Variants in MCTP1 observed in about 807,000 individuals in gnomAD.
The protein encoded by MCTP1 is multiple C2 and transmembrane domain-containing protein 1.
Under a neutral mutation model 120.6 loss-of-function variants are expected in MCTP1, and 69 were observed. That is an observed-to-expected ratio of 0.57 (90% CI 0.47 to 0.70). The LOEUF (loss-of-function observed/expected upper bound fraction) is 0.70. Ranked by LOEUF, MCTP1 falls within the 30% of genes least tolerant of loss-of-function variation. MCTP1 has a pLI of 0.00. For synonymous variants in MCTP1, 529 were observed against 493.1 expected (o/e 1.07, Z -0.96); for missense variants, 1,203 against 1,248.8 (o/e 0.96, Z 0.55).
intron 1 of MCTP1, among the ~76,000 whole-genome samples, chr5:95,172,605 C>A (rs1747465593): frequency 1.3e-5 from 2 of 148,894 alleles, no homozygotes; most frequent in African/African-American, 5.0e-5. Context: ...TTTTTTGGTG[C>A]CTGTATGATG....
chr5:94,985,006 C>CA (rs1554166748), intron 2 of MCTP1, among the ~76,000 whole-genome samples: 3 of 151,940 alleles, frequency 2.0e-5, no homozygotes, highest in Non-Finnish European at 4.4e-5. Context: ...AAGTACTATA[C>CA]AAAAATGTAT....
intron 1 of MCTP1, among the ~76,000 whole-genome samples, chr5:95,108,697 C>T (rs1417685882): frequency 6.6e-6 from 1 of 152,290 alleles, no homozygotes; most frequent in East Asian, 1.9e-4. Flanking sequence ...TTTGCAACAT[C>T]GATACTGTCA....
At chr5:94,858,723 T>G (rs1161827915) in intron 17 of MCTP1, among the ~76,000 whole-genome samples, 1 of 151,744 alleles carries the variant, frequency 6.6e-6, no homozygotes, top group African/African-American at 2.4e-5. Context: ...TCCTGTAAAA[T>G]AATCTCTAAC....
chr5:94,922,997 C>CAAAAAAAAAAAA lies in MCTP1; in HGVS notation c.1272+953_1272+964dup, dbSNP rs202245253. Among the ~76,000 whole-genome samples the CAAAAAAAAAAAA allele has an allele frequency of 2.0e-5, 2 of 99,548 alleles. 1 individual carries two copies. The allele number at this position is 99,548 out of a possible 152,430, so 65.3% of individuals were successfully genotyped here. On this transcript the variant is annotated intron_variant, in intron 7 of 22. Coordinates refer to ENST00000515393, the MANE Select transcript of MCTP1 (RefSeq NM_024717.7). ...ATAAGCTCACAACAATAAAAAGCTG[C>CAAAAAAAAAAAA]AAAAAAAAAAAAAAAAAAAAAAAAG...
At chr5:94,711,829 A>G (rs1249503038) in intron 20 of MCTP1, among the ~76,000 whole-genome samples, 2 of 152,180 alleles carry the variant, frequency 1.3e-5, no homozygotes, top group Non-Finnish European at 2.9e-5. Context: ...AAATGTTTTT[A>G]AAAGTAGAAA....
At position 94,924,003 on chromosome 5, in the gene MCTP1, C is replaced by T. The variant is rs753402537; in HGVS notation, c.1231G>A (p.Val411Met). The change falls in exon 7 of 23, where the codon GTG (valine) becomes ATG (methionine). Residue 411 changes from valine to methionine, a missense_variant. Physicochemically the swap from Val to Met is conservative, Grantham distance 21. Around this residue, in one of 2 missense-constraint regions of MCTP1, gnomAD observed 740 missense variants for 871.1 expected, o/e 0.85. Coordinates refer to ENST00000515393, the MANE Select transcript of MCTP1 (RefSeq NM_024717.7). ...RSSKELSENE[V>M]VGSYFSVKSL... ...TTCACAGAGAAATAAGATCCAACCACTTCATTTTCTGAAAGTTCCTAGAAA... is the reference window on the plus strand; with the variant it reads ...TTCACAGAGAAATAAGATCCAACCATTTCATTTTCTGAAAGTTCCTAGAAA... 2.0e-6 allele frequency: 3 copies of T among 1,507,850 alleles called. No individual in the cohort carries two copies. Among genetic ancestry groups the T allele is most frequent in the East Asian group, 5.2e-5 (2 of 38,704 alleles). 93.4% of individuals were successfully genotyped at this position (1,507,850 alleles called of 1,614,324 possible). A position where few individuals can be genotyped will look rare whatever the true frequency, so the allele number is the denominator to read the frequency against.
At chr5:94,900,833 T>TA (rs1366386997) in intron 10 of MCTP1, among the ~76,000 whole-genome samples, 5 of 152,152 alleles carry the variant, frequency 3.3e-5, no homozygotes, top group Admixed American at 1.3e-4. Context: ...TGGAAATTTT[T>TA]AAAAAAATGC....
intron 1 of MCTP1, among the ~76,000 whole-genome samples, chr5:95,155,696 A>G (rs192306711): frequency 6.6e-6 from 1 of 152,300 alleles, no homozygotes; most frequent in African/African-American, 2.4e-5. Flanking sequence ...CCTCAAAGCT[A>G]TGGAAGGAGA....
At chr5:95,047,731 T>C (rs537955573) in intron 1 of MCTP1, among the ~76,000 whole-genome samples, 3 of 152,298 alleles carry the variant, frequency 2.0e-5, no homozygotes, top group African/African-American at 7.2e-5. Context: ...AAATGAATTC[T>C]GAGTACCAAA....
At chr5:94,710,628 A>G (rs900074229) in intron 21 of MCTP1, 190 bp downstream of exon 21, 1 of 513,960 alleles carries the variant, frequency 1.9e-6, no homozygotes, top group African/African-American at 2.0e-5. Flanking sequence ...GCCAGATAAG[A>G]AAAATACATT....
intron 1 of MCTP1, among the ~76,000 whole-genome samples, chr5:95,150,397 T>C (rs754407262): frequency 3.3e-5 from 5 of 152,218 alleles, no homozygotes; most frequent in Non-Finnish European, 7.3e-5. Flanking sequence ...GTGGTTCTGA[T>C]CATTTTGGAA....
intron 1 of MCTP1, among the ~76,000 whole-genome samples, chr5:95,194,185 G>C (rs1351653356): frequency 1.3e-5 from 2 of 151,966 alleles, no homozygotes; most frequent in African/African-American, 2.4e-5. Context: ...CTGGGCAACA[G>C]AGTAAGAGTG....
At chr5:95,223,941 T>C (rs1319736024) in intron 1 of MCTP1, among the ~76,000 whole-genome samples, 1 of 152,212 alleles carries the variant, frequency 6.6e-6, no homozygotes, top group East Asian at 1.9e-4. Context: ...AATAGAAACA[T>C]TTTCTGTTTT....
At chr5:95,210,181 T>C (rs1752166430) in intron 1 of MCTP1, among the ~76,000 whole-genome samples, 1 of 152,194 alleles carries the variant, frequency 6.6e-6, no homozygotes, top group Admixed American at 6.5e-5. Flanking sequence ...TCTGTAGATG[T>C]CTATTAGGTC....
At chr5:94,936,526 G>T (rs1044820618) in intron 5 of MCTP1, among the ~76,000 whole-genome samples, 4 of 152,026 alleles carry the variant, frequency 2.6e-5, no homozygotes, top group African/African-American at 4.8e-5. Flanking sequence ...TTTAATTAGA[G>T]AAATAGCCAC....
intron 1 of MCTP1, among the ~76,000 whole-genome samples, chr5:95,271,684 T>A (rs1191883612): frequency 2.0e-5 from 3 of 152,008 alleles, no homozygotes; most frequent in African/African-American, 4.8e-5. Context: ...TACAGGAGAA[T>A]GATTATTCTA....
chr5:95,094,581 A>T (rs998347157), intron 1 of MCTP1, among the ~76,000 whole-genome samples: 1 of 152,212 alleles, frequency 6.6e-6, no homozygotes, highest in Non-Finnish European at 1.5e-5. Context: ...ATTTTCACTT[A>T]CAAATTGAGA....
At chr5:94,926,774 C>T (rs1813240566) in intron 6 of MCTP1, among the ~76,000 whole-genome samples, 1 of 152,168 alleles carries the variant, frequency 6.6e-6, no homozygotes, top group Admixed American at 6.6e-5. Context: ...ATTAGGTCTC[C>T]CCTTTTAATC....
At chr5:94,985,084 A>C (rs1830215200) in intron 2 of MCTP1, among the ~76,000 whole-genome samples, 1 of 152,184 alleles carries the variant, frequency 6.6e-6, no homozygotes, top group Admixed American at 6.6e-5. Flanking sequence ...TAAATCTCCA[A>C]GTCCTTCCAG....
Sources: gnomAD v4.1 joint callset for allele counts (sites outside exome capture counted in the v4.1 genomes callset) on GRCh38, gnomAD v4.1.1 for gene constraint, gnomAD v4.1.1 regional missense constraint, MANE v1.5 for transcripts, NCBI Gene and HGNC (gene_info 2026-07-23, HGNC 2026-07-21) for gene names.